BCAR1: variants seen among roughly 807,000 people sequenced by gnomAD.
BCAR1 encodes the protein breast cancer anti-estrogen resistance protein 1.
Under a neutral mutation model 67.6 loss-of-function variants are expected in BCAR1, and 30 were observed. That is an observed-to-expected ratio of 0.44 (90% CI 0.33 to 0.60). BCAR1 has a LOEUF of 0.60. BCAR1 is among the 20% of genes least tolerant of loss of function. The pLI, the probability that BCAR1 is intolerant of heterozygous loss-of-function variation, is 0.02. For missense variants in BCAR1, 1,313 were observed against 1,222.3 expected, an observed-to-expected ratio of 1.07 and a Z score of -1.11; for synonymous variants, 626 against 556.7, an observed-to-expected ratio of 1.12 and a Z score of -1.75.
At position 75,235,486 on chromosome 16, in the gene BCAR1, G is replaced by A. The variant is rs754929679; in HGVS notation, c.1413C>T (p.Ser471=). 2.5e-4 allele frequency: 396 copies of A among 1,602,106 alleles called. 3 individuals are homozygous for A. The highest frequency in any genetic ancestry group is 1.1e-4 in the Non-Finnish European group (126 of 1,175,766). The change falls in exon 5 of 7, where the codon AGC becomes AGT. Residue 471 remains serine (S), a synonymous_variant. Coordinates refer to ENST00000162330, the MANE Select transcript of BCAR1 (RefSeq NM_014567.5). The part of the protein sequence containing the change: ...EALARLQQGV[S]ATVAHLLDLA... ...GGTCCAGAAGGTGGGCAACGGTGGC[G>A]CTCACACCCTGCTGCAGCCGTGCCA... is the stretch of plus-strand genomic sequence containing the variant.
intron 1 of BCAR1, chr16:75,266,793 G>T: frequency 7.0e-7 from 1 of 1,436,516 alleles, no homozygotes; most frequent in Non-Finnish European, 9.2e-7. Flanking sequence ...GAGCAAGTGG[G>T]GCTGGGGTCC....
intron 4 of BCAR1, chr16:75,236,509 T>C (rs113165931): frequency 1.1e-5 from 4 of 363,518 alleles, no homozygotes; most frequent in African/African-American, 6.3e-5. Context: ...CTGTGTGTAT[T>C]ATCAGGGGAC....
chr16:75,246,566 C>G (rs933500409), intron 1 of BCAR1: 1 of 152,504 alleles, frequency 6.6e-6, no homozygotes, highest in Non-Finnish European at 1.5e-5. Flanking sequence ...GGGGCTGGAG[C>G]AGGGAGGCAG....
intron 5 of BCAR1, among the ~76,000 whole-genome samples, chr16:75,234,161 A>G (rs1309344643): frequency 3.6e-4 from 9 of 25,176 alleles, no homozygotes; most frequent in South Asian, 1.9e-3. Context: ...GGGCAGGCAG[A>G]CAGACACACA....
chr16:75,230,907 G>C (rs1018651850), intron 6 of BCAR1, among the ~76,000 whole-genome samples: 1 of 152,188 alleles, frequency 6.6e-6, no homozygotes, highest in Non-Finnish European at 1.5e-5. Flanking sequence ...TGATGAGGCA[G>C]GGTGAGGTGG....
At chr16:75,239,360 G>C (rs74024752) in intron 2 of BCAR1, among the ~76,000 whole-genome samples, 2,164 of 152,248 alleles carry the variant, frequency 0.014, 66 homozygotes, top group African/African-American at 0.05. Context: ...ACACAGCACA[G>C]GCCCACTGCC....
intron 1 of BCAR1, among the ~76,000 whole-genome samples, chr16:75,256,695 G>A (rs1387231619): frequency 6.6e-6 from 1 of 152,178 alleles, no homozygotes; most frequent in African/African-American, 2.4e-5. Flanking sequence ...TCAGAGAGGG[G>A]CTCAGCTCAC....
chr16:75,243,450 G>A, intron 1 of BCAR1: 1 of 565,700 alleles, frequency 1.8e-6, no homozygotes. Flanking sequence ...CGACAAAGCT[G>A]CCAAGTTAAA....
In BCAR1 at chr16:75,233,932, TC is replaced by T; in HGVS notation, c.2013del (p.Lys672ArgfsTer30). On this transcript the variant is annotated frameshift_variant and splice_region_variant, in exon 6 of 7. Coordinates refer to ENST00000162330, the MANE Select transcript of BCAR1 (RefSeq NM_014567.5). LOFTEE classifies it high-confidence loss of function. ...TTCTGGGTCTTCTCAAACTCCTCCT[TC>T]CCCTGGAGGGCAGAGACAGGGGCTG... ...MEDYDYVHLQ[G>X]KEEFEKTQKE... 6.2e-7 allele frequency: 1 copy of T among 1,604,828 alleles called. No individual in the cohort carries two copies. The highest frequency in any genetic ancestry group is 8.5e-7 in the Non-Finnish European group (1 of 1,175,536).
intron 1 of BCAR1, chr16:75,264,088 A>C (rs2151484658): frequency 8.0e-7 from 1 of 1,245,292 alleles, no homozygotes; most frequent in East Asian, 3.1e-5. Flanking sequence ...GCCAGGCTGC[A>C]GGTCCCCACG....
intron 1 of BCAR1, chr16:75,250,627 C>G: frequency 1.0e-6 from 1 of 985,470 alleles, no homozygotes; most frequent in Non-Finnish European, 1.2e-6. Flanking sequence ...AGCCCCTCAC[C>G]CCGCACCCCT....
At chr16:75,233,765 G>C in intron 6 of BCAR1, 81 bp downstream of exon 6, 3 of 1,411,690 alleles carry the variant, frequency 2.1e-6, no homozygotes, top group Non-Finnish European at 2.9e-6. Context: ...TGGGGACCCG[G>C]GGTCGGCCCT....
At chr16:75,237,977 G>T in intron 2 of BCAR1, 2 of 1,228,608 alleles carry the variant, frequency 1.6e-6, no homozygotes, top group Non-Finnish European at 2.1e-6. Flanking sequence ...TCCCTGCCGC[G>T]CCTGCCCCGG....
chr16:75,231,458 A>G (rs547763391), intron 6 of BCAR1, among the ~76,000 whole-genome samples: 11 of 152,302 alleles, frequency 7.2e-5, no homozygotes, highest in African/African-American at 1.2e-4. Context: ...TATTGAATCA[A>G]TACTCTCCTA....
chr16:75,233,926 C>A lies in BCAR1; in HGVS notation c.2020G>T (p.Glu674Ter). The A allele has an allele frequency of 1.9e-6, 3 of 1,606,544 alleles. No homozygotes were observed. The South Asian group carries it at 3.4e-5, about 18-fold the overall frequency. The change falls in exon 6 of 7, where the codon GAG (glutamate) becomes TAG (stop). Residue 674 changes from glutamate (E) to a stop codon, truncating the protein, a stop_gained. Coordinates refer to ENST00000162330, the MANE Select transcript of BCAR1 (RefSeq NM_014567.5). LOFTEE classifies it high-confidence loss of function. ...AGCTCCTTCTGGGTCTTCTCAAACT[C>A]CTCCTTCCCCTGGAGGGCAGAGACA... ...YDYVHLQGKE[E>*]FEKTQKELLE... is the part of the protein sequence containing the mutation.
chr16:75,264,555 A>C, intron 1 of BCAR1: 1 of 1,369,984 alleles, frequency 7.3e-7, no homozygotes, highest in Non-Finnish European at 9.4e-7. Flanking sequence ...ACCAGAACGG[A>C]TGGCGGGGCT....
upstream of BCAR1, chr16:75,252,285 G>A: frequency 6.5e-7 from 1 of 1,536,702 alleles, no homozygotes; most frequent in Non-Finnish European, 8.7e-7. Context: ...TCCTCCAGCT[G>A]ATCTGCCTCC....
intron 4 of BCAR1, 45 bp from the exon 5 acceptor site, chr16:75,236,031 C>T (rs778303654): frequency 2.2e-5 from 34 of 1,529,404 alleles, no homozygotes; most frequent in African/African-American, 2.7e-5. Flanking sequence ...GTCCATCTGC[C>T]CACCCCAGGG....
chr16:75,266,880 G>A (rs1390399321), intron 1 of BCAR1: 7 of 988,120 alleles, frequency 7.1e-6, no homozygotes, highest in Admixed American at 3.7e-5. Context: ...CTGGTTTGCC[G>A]CAGCCCGGGC....
Sources: gnomAD v4.1 joint callset for allele counts (sites outside exome capture counted in the v4.1 genomes callset) on GRCh38, gnomAD v4.1.1 for gene constraint, MANE v1.5 for transcripts, NCBI Gene and HGNC (gene_info 2026-07-23, HGNC 2026-07-21) for gene names.